Variants in NRXN3 observed in about 807,000 individuals in gnomAD.
The protein encoded by NRXN3 is neurexin III.
Under a neutral mutation model 137.6 loss-of-function variants are expected in NRXN3, and 32 were observed. The ratio of observed to expected loss-of-function variants is 0.23; its 90% CI spans 0.18 to 0.31. NRXN3 has a LOEUF of 0.31. Ranked by LOEUF, NRXN3 falls within the 10% of genes least tolerant of loss-of-function variation. NRXN3 has a pLI of 1.00. For missense variants in NRXN3, 1,574 were observed against 2,062.5 expected, an observed-to-expected ratio of 0.76 and a Z score of 4.59; for synonymous variants, 798 against 784.5, an observed-to-expected ratio of 1.02 and a Z score of -0.29.
Position 79,247,906 on chromosome 14 carries a change from A to T in NRXN3, c.3263-219315A>T, listed in dbSNP as rs868081901. 3.8e-3 allele frequency among the ~76,000 whole-genome samples: 579 copies of T among 151,896 alleles called. 7 individuals are homozygous for T. Among genetic ancestry groups the T allele is most frequent in the African/African-American group, 0.012 (514 of 41,318 alleles). ...CCTTCATAAAAAAATTAAAAAAAAAACACTCTAAATTCACATTTCACCACT... is the reference window on the plus strand; with the variant it reads ...CCTTCATAAAAAAATTAAAAAAAAATCACTCTAAATTCACATTTCACCACT... On this transcript the variant is annotated intron_variant, in intron 15 of 20. Coordinates refer to ENST00000335750, the MANE Select transcript of NRXN3 (RefSeq NM_001330195.2).
chr14:79,345,570 C>G (rs1056782085), intron 15 of NRXN3, among the ~76,000 whole-genome samples: 1 of 152,120 alleles, frequency 6.6e-6, no homozygotes, highest in Non-Finnish European at 1.5e-5. Context: ...GAAATAGAAT[C>G]CCCAGTGTTG....
At chr14:78,689,146 G>A (rs2098147983) in intron 6 of NRXN3, among the ~76,000 whole-genome samples, 1 of 151,934 alleles carries the variant, frequency 6.6e-6, no homozygotes, top group Admixed American at 6.6e-5. Context: ...TTTTGTTATT[G>A]TTTTCTCTTG....
intron 15 of NRXN3, among the ~76,000 whole-genome samples, chr14:79,354,146 A>T (rs1017956697): frequency 3.3e-5 from 5 of 152,174 alleles, no homozygotes; most frequent in African/African-American, 1.2e-4. Flanking sequence ...GGAAATTTAA[A>T]AGATGGAAGT....
chr14:79,499,696 C>G (rs1192745731), intron 16 of NRXN3, among the ~76,000 whole-genome samples: 1 of 152,126 alleles, frequency 6.6e-6, no homozygotes, highest in Non-Finnish European at 1.5e-5. Context: ...TTTGTGACAT[C>G]TAGATGAAAA....
intron 4 of NRXN3, among the ~76,000 whole-genome samples, chr14:78,400,144 A>C (rs2091913433): frequency 6.6e-6 from 1 of 152,256 alleles, no homozygotes; most frequent in Non-Finnish European, 1.5e-5. Context: ...CAGCCATGGC[A>C]GAAAAAGGCA....
chr14:78,255,425 G>C (rs2069399969), intron 2 of NRXN3, among the ~76,000 whole-genome samples: 1 of 152,196 alleles, frequency 6.6e-6, no homozygotes, highest in Non-Finnish European at 1.5e-5. Flanking sequence ...AGTTGCTGTG[G>C]AAACTTTGCT....
At chr14:78,462,284 A>G (rs776159372) in intron 4 of NRXN3, among the ~76,000 whole-genome samples, 1 of 152,104 alleles carries the variant, frequency 6.6e-6, no homozygotes, top group Admixed American at 6.5e-5. Flanking sequence ...CCTCCTCTGT[A>G]CTGCAGAGAC....
chr14:79,113,447 C>T (rs2053882357), intron 15 of NRXN3, among the ~76,000 whole-genome samples: 1 of 152,166 alleles, frequency 6.6e-6, no homozygotes, highest in Non-Finnish European at 1.5e-5. Flanking sequence ...TCTTTAGTCT[C>T]TTAATCGGCC....
rs370733784 is a variant in NRXN3, at chr14:78,811,194, A to G, written c.2275+850A>G. ...CTAACTACTGTAACAAGCAATCCCA[A>G]CATTATAATGGCTCAACAAAAGAAG... On this transcript the variant is annotated intron_variant, in intron 10 of 20. Coordinates refer to ENST00000335750, the MANE Select transcript of NRXN3 (RefSeq NM_001330195.2). Among the ~76,000 whole-genome samples the G allele has an allele frequency of 2.0e-5, 3 of 152,210 alleles. No individual in the cohort carries two copies. The South Asian group carries it at 6.2e-4, about 32-fold the overall frequency.
At chr14:79,810,468 T>C (rs2099227963) in intron 20 of NRXN3, among the ~76,000 whole-genome samples, 1 of 152,218 alleles carries the variant, frequency 6.6e-6, no homozygotes, top group Non-Finnish European at 1.5e-5. Flanking sequence ...GAAGGAGATG[T>C]TTAAACTAAT....
intron 19 of NRXN3, 34 bp from the exon 20 acceptor site, chr14:79,805,078 C>T (rs1475898055): frequency 1.4e-6 from 2 of 1,468,754 alleles, no homozygotes; most frequent in South Asian, 2.3e-5. Flanking sequence ...CTCTCTCTTC[C>T]CCTACCCCAT....
At chr14:78,752,115 C>T (rs559679289) in intron 8 of NRXN3, among the ~76,000 whole-genome samples, 1 of 152,302 alleles carries the variant, frequency 6.6e-6, no homozygotes, top group African/African-American at 2.4e-5. Flanking sequence ...TTTAAAAGAG[C>T]ATTTTGGGGC....
chr14:79,188,233 A>G lies in NRXN3; in HGVS notation c.3262+200092A>G, dbSNP rs542584286. Among the ~76,000 whole-genome samples, 3 of 152,268 alleles carry G rather than the reference A, an allele frequency of 2.0e-5. No individual in the cohort carries two copies. The South Asian group carries it at 6.2e-4, about 32-fold the overall frequency. On this transcript the variant is annotated intron_variant, in intron 15 of 20. Transcript: ENST00000335750. ...AAACCTTTATTGCAATTTGGTGGTG[A>G]TAGTGGAGAGTCTCTTTCCAAATAT...
chr14:79,582,064 A>G (rs1803731746), intron 16 of NRXN3, among the ~76,000 whole-genome samples: 1 of 152,160 alleles, frequency 6.6e-6, no homozygotes, highest in Non-Finnish European at 1.5e-5. Flanking sequence ...AGCTAGGACT[A>G]TAGGCACCTG....
chr14:78,536,341 G>C (rs73324446), intron 4 of NRXN3, among the ~76,000 whole-genome samples: 3,201 of 152,204 alleles, frequency 0.021, 98 homozygotes, highest in African/African-American at 0.07. Flanking sequence ...CCGTCTGTAG[G>C]TCACATCCCC....
At chr14:79,135,666 T>C (rs2058145393) in intron 15 of NRXN3, among the ~76,000 whole-genome samples, 1 of 152,228 alleles carries the variant, frequency 6.6e-6, no homozygotes, top group East Asian at 1.9e-4. Flanking sequence ...ATTTGAATTA[T>C]TAAACCAAAT....
chr14:79,174,106 A>G (rs949420822), intron 15 of NRXN3, among the ~76,000 whole-genome samples: 2 of 152,148 alleles, frequency 1.3e-5, no homozygotes, highest in Non-Finnish European at 1.5e-5. Context: ...TTATTTTACT[A>G]TGGGGAGAAG....
chr14:78,762,309 A>G (rs2098695022), intron 8 of NRXN3, among the ~76,000 whole-genome samples: 1 of 152,150 alleles, frequency 6.6e-6, no homozygotes, highest in Non-Finnish European at 1.5e-5. Context: ...CTGTTCTTGC[A>G]TTTTGTAGAT....
In NRXN3 at chr14:79,378,619, G is replaced by A. The variant is rs541089124; in HGVS notation, c.3263-88602G>A. On this transcript the variant is annotated intron_variant, in intron 15 of 20. Transcript: ENST00000335750. ...ATGGTGTGTTGTTAAGTTAGTTTAC[G>A]TGTCAGTTTCCCCTTTACACTGTGA... Among the ~76,000 whole-genome samples the A allele has an allele frequency of 4.7e-4, 71 of 152,270 alleles. 1 individual carries two copies. The South Asian group carries it at 0.012, about 27-fold the overall frequency.
Sources: gnomAD v4.1 joint callset for allele counts (sites outside exome capture counted in the v4.1 genomes callset) on GRCh38, gnomAD v4.1.1 for gene constraint, MANE v1.5 for transcripts, NCBI Gene and HGNC (gene_info 2026-07-23, HGNC 2026-07-21) for gene names.